Variants in UAP1 observed in about 807,000 individuals in gnomAD.
UAP1 encodes UDP-N-acetylhexosamine pyrophosphorylase.
UAP1 carries 25 observed loss-of-function variants against 58.5 expected under a neutral mutation model. The ratio of observed to expected loss-of-function variants is 0.43; its 90% CI spans 0.31 to 0.60. The LOEUF is 0.60. Among genes scored for constraint, UAP1 ranks in the 20% least tolerant of loss-of-function variants. The pLI, the probability that UAP1 is intolerant of heterozygous loss-of-function variation, is 0.11. For missense variants in UAP1, 575 were observed against 630.0 expected, an observed-to-expected ratio of 0.91 and a Z score of 0.93; for synonymous variants, 208 against 213.0, an observed-to-expected ratio of 0.98 and a Z score of 0.21.
intron 1 of UAP1, among the ~76,000 whole-genome samples, chr1:162,564,830 A>G (rs1347576360): frequency 6.6e-6 from 1 of 152,036 alleles, no homozygotes; most frequent in Non-Finnish European, 1.5e-5. Flanking sequence ...ACTGCTTTCC[A>G]TCCCACACGT....
intron 8 of UAP1, among the ~76,000 whole-genome samples, chr1:162,591,631 G>A (rs1217216066): frequency 1.3e-5 from 2 of 151,800 alleles, no homozygotes; most frequent in African/African-American, 2.4e-5. Context: ...GGTTACACTC[G>A]CCTGCCATAA....
At chr1:162,578,583 T>C (rs776528791) in intron 3 of UAP1, among the ~76,000 whole-genome samples, 3 of 152,186 alleles carry the variant, frequency 2.0e-5, no homozygotes, top group Non-Finnish European at 4.4e-5. Context: ...TGAATTTTCT[T>C]CTCTCTCTTT....
At position 162,582,088 on chromosome 1, in the gene UAP1, T is replaced by G. The variant is rs554633402; in HGVS notation, c.834+629T>G. ...ATGGTAGCAAAAAATATATATATTATAGCTAGAAATAAAATAGACAGCAAA... is the reference window on the plus strand; with the variant it reads ...ATGGTAGCAAAAAATATATATATTAGAGCTAGAAATAAAATAGACAGCAAA... On this transcript the variant is annotated intron_variant, in intron 5 of 10. Transcript: ENST00000271469. 3.3e-5 allele frequency among the ~76,000 whole-genome samples: 5 copies of G among 152,280 alleles called. No individual in the cohort carries two copies. In the East Asian group the frequency reaches 9.6e-4, roughly 29 times the overall value.
intron 1 of UAP1, among the ~76,000 whole-genome samples, chr1:162,563,310 T>C (rs1653280117): frequency 6.6e-6 from 1 of 152,224 alleles, no homozygotes; most frequent in South Asian, 2.1e-4. Context: ...GAACACATGT[T>C]ACCAGTGGTT....
rs76320788 is a variant in UAP1 at position 162,564,014 on chromosome 1, C to T, written c.-57-1998C>T. 2.5e-3 allele frequency among the ~76,000 whole-genome samples: 382 copies of T among 152,256 alleles called. 5 individuals are homozygous for T. The East Asian group carries it at 0.048, about 19-fold the overall frequency. The stretch of plus-strand genomic sequence containing the variant: ...CTCCCTTAAATCAGAGGCAAAGCAG[C>T]AGCATAAATAAGGTCTTGGGAAAGA... On this transcript the variant is annotated intron_variant, in intron 1 of 10. Transcript: ENST00000271469.
chr1:162,582,502 T>A (rs902447565), intron 5 of UAP1, among the ~76,000 whole-genome samples: 1 of 152,224 alleles, frequency 6.6e-6, no homozygotes, highest in Non-Finnish European at 1.5e-5. Context: ...TATGGCATTT[T>A]GACTCAGTGG....
At chr1:162,570,312 A>C (rs1653785638) in intron 2 of UAP1, among the ~76,000 whole-genome samples, 1 of 152,186 alleles carries the variant, frequency 6.6e-6, no homozygotes, top group Non-Finnish European at 1.5e-5. Flanking sequence ...GGGATTGTGT[A>C]TAGTTTTGTA....
chr1:162,570,148 C>CA (rs11405209), intron 2 of UAP1, among the ~76,000 whole-genome samples: 14,090 of 95,288 alleles, frequency 0.15, 711 homozygotes, highest in Admixed American at 0.18. Context: ...GACTCCGTCT[C>CA]AAAAAAAAAA....
At chr1:162,566,159 G>A in exon 2 of UAP1, 1 of 1,613,982 alleles carries the variant, frequency 6.2e-7, no homozygotes, top group African/African-American at 1.3e-5. Flanking sequence ...AGCCCAACAG[G>A]TAGAACTTTA....
downstream of UAP1, among the ~76,000 whole-genome samples, chr1:162,601,072 T>C (rs545786857): frequency 3.5e-4 from 54 of 152,256 alleles, no homozygotes; most frequent in Non-Finnish European, 4.6e-4. Flanking sequence ...CTGGGGAACA[T>C]TGGGTAGTTA....
chr1:162,577,435 C>CTTT lies in UAP1; in HGVS notation c.485+483_485+485dup, dbSNP rs67627704. Among the ~76,000 whole-genome samples the CTTT allele has an allele frequency of 8.6e-4, 82 of 95,242 alleles. 2 individuals carry two copies. The highest frequency in any genetic ancestry group is 1.4e-3 in the African/African-American group (29 of 21,012). The allele number at this position is 95,242 out of a possible 152,430, so 62.5% of individuals were successfully genotyped here. A position where few individuals can be genotyped will look rare whatever the true frequency, so the allele number is the denominator to read the frequency against. On this transcript the variant is annotated intron_variant, in intron 3 of 10. Transcript: ENST00000271469. ...ACCTTGGTCAGTGTTAGTTCCTTCC[C>CTTT]TTTTTTTTTTTTTTTTTTTTTTTTT...
intron 3 of UAP1, among the ~76,000 whole-genome samples, chr1:162,577,525 C>T (rs753283595): frequency 8.9e-5 from 13 of 145,858 alleles, no homozygotes; most frequent in Middle Eastern, 3.3e-3. Flanking sequence ...CTTAGCTGAC[C>T]GTCACCTTTG....
At chr1:162,561,815 T>TCGGGACCCGGGCGGGCGGAGGGC (rs1557960516) in intron 1 of UAP1, 38 bp downstream of exon 1, 1 of 152,120 alleles carries the variant, frequency 6.6e-6, no homozygotes, top group Non-Finnish European at 1.5e-5. Context: ...ACGGCGGGGC[T>TCGGGACCCGGGCGGGCGGAGGGC]CGGGACCCGG....
downstream of UAP1, among the ~76,000 whole-genome samples, chr1:162,601,106 A>G (rs201713079): frequency 2.7e-3 from 407 of 152,352 alleles, 2 homozygotes; most frequent in African/African-American, 9.6e-3. Context: ...AGAGCCTCTG[A>G]GCCATGAAAT....
intron 7 of UAP1, 39 bp from the exon 8 acceptor site, chr1:162,590,284 G>T (rs1242129565): frequency 6.4e-7 from 1 of 1,554,072 alleles, no homozygotes; most frequent in Non-Finnish European, 8.7e-7. Flanking sequence ...TGTGTATGCA[G>T]TTTCATAATA....
At chr1:162,568,147 C>A (rs1292791529) in intron 2 of UAP1, among the ~76,000 whole-genome samples, 1 of 152,186 alleles carries the variant, frequency 6.6e-6, no homozygotes, top group Non-Finnish European at 1.5e-5. Flanking sequence ...ACTATACATA[C>A]AATCTTATAG....
chr1:162,571,758 C>T (rs1216354116), intron 2 of UAP1, among the ~76,000 whole-genome samples: 1 of 152,178 alleles, frequency 6.6e-6, no homozygotes, highest in African/African-American at 2.4e-5. Context: ...TTTTATCTGT[C>T]ATCATAAGAC....
intron 7 of UAP1, among the ~76,000 whole-genome samples, chr1:162,589,162 ATAAT>A (rs1655115529): frequency 9.6e-6 from 1 of 104,440 alleles, no homozygotes; most frequent in Non-Finnish European, 1.8e-5. Flanking sequence ...TATATTATAT[ATAAT>A]ATATAAATAT....
chr1:162,579,342 TC>T, intron 3 of UAP1, 85 bp from the exon 4 acceptor site: 2 of 1,007,886 alleles, frequency 2.0e-6, no homozygotes, highest in Middle Eastern at 7.3e-4. Context: ...TTCAAAGATA[TC>T]TTTAGCTTAG....
Sources: allele counts gnomAD v4.1 joint callset (sites outside exome capture counted in the v4.1 genomes callset), GRCh38; gene constraint gnomAD v4.1.1; transcripts MANE v1.5; gene names NCBI Gene and HGNC (gene_info 2026-07-23, HGNC 2026-07-21).